Variants in CMPK1 observed in about 807,000 individuals in gnomAD.
CMPK1 encodes UMP-CMP kinase.
CMPK1 carries 10 observed loss-of-function variants against 25.7 expected under a neutral mutation model. That is an observed-to-expected ratio of 0.39 (90% CI 0.24 to 0.66). The LOEUF is 0.66. CMPK1 is among the 30% of genes least tolerant of loss of function. CMPK1 has a pLI of 0.48. For synonymous variants in CMPK1, 106 were observed against 101.5 expected (o/e 1.04, Z -0.27); for missense variants, 199 against 280.5 (o/e 0.71, Z 2.08).
intron 1 of CMPK1, among the ~76,000 whole-genome samples, chr1:47,342,023 G>C (rs1299208143): frequency 6.6e-6 from 1 of 152,030 alleles, no homozygotes; most frequent in Non-Finnish European, 1.5e-5. Context: ...CGATCCTCCT[G>C]CCTTATCCTT....
intron 1 of CMPK1, among the ~76,000 whole-genome samples, chr1:47,345,499 T>A (rs2149326535): frequency 6.6e-6 from 1 of 150,614 alleles, no homozygotes; most frequent in South Asian, 2.1e-4. Flanking sequence ...TTAATTTCTT[T>A]TTTTTTTTTT....
chr1:47,338,517 C>CTCCCTCCTTCCCTCTCTCCT (rs1646416109), intron 1 of CMPK1, among the ~76,000 whole-genome samples: 2 of 57,264 alleles, frequency 3.5e-5, no homozygotes, highest in African/African-American at 8.4e-5. Flanking sequence ...CCTTCCTTCC[C>CTCCCTCCTTCCCTCTCTCCT]TCCCTCCCTC....
chr1:47,355,973 T>G (rs1413347557), intron 1 of CMPK1, among the ~76,000 whole-genome samples: 1 of 152,204 alleles, frequency 6.6e-6, no homozygotes, highest in Non-Finnish European at 1.5e-5. Context: ...TCCTCCAGGC[T>G]GTTACTTATT....
chr1:47,347,439 C>G (rs1646493348), intron 1 of CMPK1, among the ~76,000 whole-genome samples: 1 of 152,094 alleles, frequency 6.6e-6, no homozygotes, highest in African/African-American at 2.4e-5. Flanking sequence ...GAACTCCTGG[C>G]CTCAAGCCAT....
chr1:47,370,693 C>T (rs537237478), intron 2 of CMPK1, among the ~76,000 whole-genome samples: 8 of 146,480 alleles, frequency 5.5e-5, no homozygotes, highest in Admixed American at 4.2e-4. Flanking sequence ...AATCCCAGAA[C>T]TTTAAGAGGC....
intron 1 of CMPK1, among the ~76,000 whole-genome samples, chr1:47,335,097 A>C (rs926054164): frequency 2.6e-5 from 4 of 152,196 alleles, no homozygotes; most frequent in African/African-American, 9.7e-5. Context: ...GAAACAGAAG[A>C]GGCGACCATT....
chr1:47,368,165 C>T (rs1300669352), intron 1 of CMPK1, among the ~76,000 whole-genome samples: 1 of 152,036 alleles, frequency 6.6e-6, no homozygotes, highest in Non-Finnish European at 1.5e-5. Flanking sequence ...AGGCTGGTCT[C>T]AAACTCCTGA....
At chr1:47,347,611 T>C (rs1646494405) in intron 1 of CMPK1, among the ~76,000 whole-genome samples, 1 of 151,906 alleles carries the variant, frequency 6.6e-6, no homozygotes. Context: ...CATGATCTTT[T>C]TGTTGTTGTT....
intron 1 of CMPK1, among the ~76,000 whole-genome samples, chr1:47,335,223 C>T (rs1161811112): frequency 2.6e-5 from 4 of 152,292 alleles, no homozygotes; most frequent in Admixed American, 2.6e-4. Context: ...GGGGCTTTTG[C>T]TTCTCTCCTT....
At chr1:47,347,089 A>AT (rs1290431099) in intron 1 of CMPK1, among the ~76,000 whole-genome samples, 3 of 151,648 alleles carry the variant, frequency 2.0e-5, no homozygotes, top group Non-Finnish European at 2.9e-5. Context: ...GGCCTATTTT[A>AT]TTTTTTTATT....
chr1:47,364,782 G>GT (rs1382298922), intron 1 of CMPK1, among the ~76,000 whole-genome samples: 1 of 149,310 alleles, frequency 6.7e-6, no homozygotes, highest in African/African-American at 2.5e-5. Flanking sequence ...GTTTTGTTTT[G>GT]TTTTTTAGAG....
At chr1:47,355,754 G>A (rs11211521) in intron 1 of CMPK1, among the ~76,000 whole-genome samples, 26,873 of 151,690 alleles carry the variant, frequency 0.18, 3,023 homozygotes, top group East Asian at 0.54. Flanking sequence ...CTACAGGCAT[G>A]TACCACCACA....
intron 1 of CMPK1, among the ~76,000 whole-genome samples, chr1:47,350,752 A>G (rs1448622743): frequency 1.3e-5 from 2 of 151,870 alleles, no homozygotes; most frequent in East Asian, 3.9e-4. Context: ...AAAAGAAAAG[A>G]AAAAATTAGC....
rs1301818743 is a variant in CMPK1, at chr1:47,373,117, A to G, written c.471+10A>G. ...TGACTGTAATAATGAGGTAATGAAAATCTTCATCTGCCCACATAGGCTTTA... is the reference window on the plus strand; with the variant it reads ...TGACTGTAATAATGAGGTAATGAAAGTCTTCATCTGCCCACATAGGCTTTA... On this transcript the variant is annotated intron_variant, in intron 3 of 5. Transcript: ENST00000371873. 22 of 1,598,758 alleles carry G rather than the reference A, an allele frequency of 1.4e-5. No individual in the cohort carries two copies. The highest frequency in any genetic ancestry group is 1.9e-5 in the Non-Finnish European group (22 of 1,173,120).
intron 2 of CMPK1, 21 bp downstream of exon 2, chr1:47,368,636 C>G (rs1646655485): frequency 6.6e-7 from 1 of 1,506,844 alleles, no homozygotes; most frequent in Non-Finnish European, 8.9e-7. Flanking sequence ...TGAATGCCAA[C>G]CAGTTCAAAC....
chr1:47,372,179 C>T (rs1646681712), intron 2 of CMPK1, among the ~76,000 whole-genome samples: 1 of 151,780 alleles, frequency 6.6e-6, no homozygotes, highest in South Asian at 2.1e-4. Flanking sequence ...CTGAAACCTC[C>T]ACCTCCTGGG....
Position 47,378,717 on chromosome 1 carries a change from GT to G in CMPK1, c.*1978del, listed in dbSNP as rs1646723358. 6.6e-6 allele frequency: 1 copy of G among 152,076 alleles called. No homozygotes were observed. Among genetic ancestry groups the G allele is most frequent in the African/African-American group, 2.4e-5 (1 of 41,428 alleles). The allele number at this position is 152,076 out of a possible 1,614,324, so 9.4% of individuals were successfully genotyped here. ...GATACAGTCACCAAGAATGTTTTGAGTTTTTTGAAAGACCCCAATTTAAGCC... is the reference window on the plus strand; with the variant it reads ...GATACAGTCACCAAGAATGTTTTGAGTTTTTGAAAGACCCCAATTTAAGCC... On this transcript the variant is annotated 3_prime_UTR_variant, in exon 6 of 6. Coordinates refer to ENST00000371873, the MANE Select transcript of CMPK1 (RefSeq NM_016308.3).
intron 1 of CMPK1, among the ~76,000 whole-genome samples, chr1:47,360,714 C>T (rs558488405): frequency 2.0e-5 from 3 of 152,326 alleles, no homozygotes; most frequent in East Asian, 1.9e-4. Context: ...CAGCACATTG[C>T]TTGGCACTTT....
intron 1 of CMPK1, among the ~76,000 whole-genome samples, chr1:47,367,793 T>A (rs931724871): frequency 6.6e-6 from 1 of 152,004 alleles, no homozygotes; most frequent in Admixed American, 6.6e-5. Flanking sequence ...TTTGAGACAA[T>A]GTCTTGCTCT....
Sources: gnomAD v4.1 joint callset for allele counts (sites outside exome capture counted in the v4.1 genomes callset) on GRCh38, gnomAD v4.1.1 for gene constraint, MANE v1.5 for transcripts, NCBI Gene and HGNC (gene_info 2026-07-23, HGNC 2026-07-21) for gene names.